Variants in VSNL1 observed in about 807,000 individuals in gnomAD.
The protein encoded by VSNL1 is visinin like 1.
VSNL1 carries 6 observed loss-of-function variants against 20.4 expected under a neutral mutation model. The observed-to-expected ratio is 0.29, with a 90% confidence interval of 0.16 to 0.58. VSNL1 has a LOEUF of 0.58. Ranked by LOEUF, VSNL1 falls within the 20% of genes least tolerant of loss-of-function variation. The pLI, the probability that VSNL1 is intolerant of heterozygous loss-of-function variation, is 0.90. For missense variants in VSNL1, 100 were observed against 234.5 expected, an observed-to-expected ratio of 0.43 and a Z score of 3.75; for synonymous variants, 93 against 86.4, an observed-to-expected ratio of 1.08 and a Z score of -0.42.
At chr2:17,644,733 G>C (rs772620291) in intron 2 of VSNL1, among the ~76,000 whole-genome samples, 1 of 152,194 alleles carries the variant, frequency 6.6e-6, no homozygotes, top group Non-Finnish European at 1.5e-5. Context: ...CCTGCTTAGA[G>C]CCTTGTTCCA....
intron 2 of VSNL1, among the ~76,000 whole-genome samples, chr2:17,628,026 T>G (rs1665550352): frequency 6.6e-6 from 1 of 152,240 alleles, no homozygotes; most frequent in African/African-American, 2.4e-5. Flanking sequence ...ATTTTCTCAG[T>G]TACGATTTTT....
At position 17,621,728 on chromosome 2, in the gene VSNL1, A is replaced by G. The variant is rs142728726; in HGVS notation, c.163-27682A>G. On this transcript the variant is annotated intron_variant, in intron 2 of 3. Transcript: ENST00000295156. Reference sequence around the variant, plus strand: ...GTACAGCCTCGAACCCCTGGGCTCAAGCAACCCTCTTGTCTCTGCCTTCTG... The same window carrying G: ...GTACAGCCTCGAACCCCTGGGCTCAGGCAACCCTCTTGTCTCTGCCTTCTG... 4.1e-3 allele frequency among the ~76,000 whole-genome samples: 628 copies of G among 152,336 alleles called. 6 individuals are homozygous for G. The highest frequency in any genetic ancestry group is 0.014 in the African/African-American group (582 of 41,578).
At chr2:17,626,529 G>A (rs1428064465) in intron 2 of VSNL1, among the ~76,000 whole-genome samples, 2 of 152,130 alleles carry the variant, frequency 1.3e-5, no homozygotes, top group African/African-American at 2.4e-5. Flanking sequence ...AACTCTTTTG[G>A]AACCACCAGG....
chr2:17,569,790 C>A (rs1200225411), intron 1 of VSNL1, among the ~76,000 whole-genome samples: 2 of 152,034 alleles, frequency 1.3e-5, no homozygotes, highest in Admixed American at 6.6e-5. Flanking sequence ...ATTTTTAATT[C>A]TTTAACAAGA....
chr2:17,574,308 C>T (rs916005579), intron 1 of VSNL1, among the ~76,000 whole-genome samples: 2 of 152,012 alleles, frequency 1.3e-5, no homozygotes, highest in African/African-American at 2.4e-5. Flanking sequence ...GGCCAAAATA[C>T]AGCACTTTTA....
chr2:17,611,137 G>T (rs1207260494), intron 2 of VSNL1, among the ~76,000 whole-genome samples: 1 of 152,078 alleles, frequency 6.6e-6, no homozygotes, highest in Non-Finnish European at 1.5e-5. Flanking sequence ...TGTGTACCTG[G>T]GTACTATGCT....
chr2:17,653,203 G>A (rs186943661), intron 3 of VSNL1, among the ~76,000 whole-genome samples: 9 of 152,234 alleles, frequency 5.9e-5, no homozygotes, highest in Non-Finnish European at 1.2e-4. Context: ...CTTGGTTGTC[G>A]TGTTCACAGT....
chr2:17,644,155 T>C (rs1319383066), intron 2 of VSNL1, among the ~76,000 whole-genome samples: 2 of 151,314 alleles, frequency 1.3e-5, no homozygotes, highest in African/African-American at 4.9e-5. Context: ...GTCCTATTCC[T>C]GGGGGAGGCC....
intron 1 of VSNL1, among the ~76,000 whole-genome samples, chr2:17,585,383 A>G (rs954645998): frequency 3.5e-5 from 2 of 56,514 alleles, no homozygotes; most frequent in African/African-American, 1.4e-4. Context: ...CCTTCATTAT[A>G]AAAAAAAAAA....
chr2:17,623,513 C>CA (rs1216563062), intron 2 of VSNL1, among the ~76,000 whole-genome samples: 1 of 151,576 alleles, frequency 6.6e-6, no homozygotes, highest in Non-Finnish European at 1.5e-5. Context: ...ACTAAAAATA[C>CA]AAAAAAATTA....
chr2:17,640,955 A>C (rs1204797945), intron 2 of VSNL1, among the ~76,000 whole-genome samples: 1 of 152,228 alleles, frequency 6.6e-6, no homozygotes, highest in African/African-American at 2.4e-5. Context: ...TTTTGTATCA[A>C]ATGTGTTCAA....
At chr2:17,622,268 C>T (rs959092549) in intron 2 of VSNL1, among the ~76,000 whole-genome samples, 6 of 149,214 alleles carry the variant, frequency 4.0e-5, no homozygotes, top group African/African-American at 1.5e-4. Flanking sequence ...AATCCCAGCA[C>T]TTTGGGAGCC....
Position 17,550,002 on chromosome 2 carries a change from T to G in VSNL1, c.-6+9084T>G, listed in dbSNP as rs1276320999. Reference sequence around the variant, plus strand: ...TCATAGTGTGTAGCTGTGGAAGACTTACTTCTCTGAGTTTTAGTTTCCTCA... The same window carrying G: ...TCATAGTGTGTAGCTGTGGAAGACTGACTTCTCTGAGTTTTAGTTTCCTCA... On this transcript the variant is annotated intron_variant, in intron 1 of 3. Coordinates refer to ENST00000295156, the MANE Select transcript of VSNL1 (RefSeq NM_003385.5). Among the ~76,000 whole-genome samples, 4 of 152,232 alleles carry G rather than the reference T, an allele frequency of 2.6e-5. No individual in the cohort carries two copies. In the East Asian group the frequency reaches 5.8e-4, roughly 22 times the overall value.
chr2:17,583,251 C>T (rs1032410174), intron 1 of VSNL1, among the ~76,000 whole-genome samples: 1 of 152,192 alleles, frequency 6.6e-6, no homozygotes, highest in East Asian at 1.9e-4. Flanking sequence ...ATGATCAATG[C>T]CTAACCCTGT....
intron 2 of VSNL1, among the ~76,000 whole-genome samples, chr2:17,595,671 G>C (rs1377561174): frequency 6.6e-6 from 1 of 152,120 alleles, no homozygotes; most frequent in Non-Finnish European, 1.5e-5. Flanking sequence ...CTTTACAGAG[G>C]TAATAAAGTT....
chr2:17,613,613 T>G (rs923743093), intron 2 of VSNL1, among the ~76,000 whole-genome samples: 1 of 152,180 alleles, frequency 6.6e-6, no homozygotes, highest in Non-Finnish European at 1.5e-5. Flanking sequence ...GTCCAGTGTC[T>G]TCTTTGTGCT....
intron 1 of VSNL1, among the ~76,000 whole-genome samples, chr2:17,563,684 C>T (rs931668637): frequency 1.3e-5 from 2 of 151,848 alleles, no homozygotes; most frequent in African/African-American, 4.8e-5. Flanking sequence ...GAGCCGAGAT[C>T]GCACCACTGC....
chr2:17,598,126 T>C (rs1664750049), intron 2 of VSNL1, among the ~76,000 whole-genome samples: 1 of 152,264 alleles, frequency 6.6e-6, no homozygotes, highest in Non-Finnish European at 1.5e-5. Context: ...GAAAACATTC[T>C]GTAATTCTCT....
At chr2:17,603,264 A>T (rs1296649694) in intron 2 of VSNL1, among the ~76,000 whole-genome samples, 1 of 152,228 alleles carries the variant, frequency 6.6e-6, no homozygotes, top group Non-Finnish European at 1.5e-5. Context: ...GATGCTGGCA[A>T]GTCCAAGACC....
Sources: allele counts gnomAD v4.1 joint callset (sites outside exome capture counted in the v4.1 genomes callset), GRCh38; gene constraint gnomAD v4.1.1; transcripts MANE v1.5; gene names NCBI Gene and HGNC (gene_info 2026-07-23, HGNC 2026-07-21).